Variants in SCLT1 observed in about 807,000 individuals in gnomAD.
The protein encoded by SCLT1 is sodium channel-associated protein 1.
A neutral mutation model predicts 112.8 loss-of-function variants in SCLT1; 78 were observed. The observed-to-expected ratio is 0.69, with a 90% confidence interval of 0.58 to 0.83. The LOEUF (loss-of-function observed/expected upper bound fraction) is 0.83. SCLT1 is among the 40% of genes least tolerant of loss of function. The pLI is 0.00. For synonymous variants in SCLT1, 257 were observed against 254.7 expected (o/e 1.01, Z -0.09); for missense variants, 747 against 770.4 (o/e 0.97, Z 0.36).
chr4:128,896,689 G>A (rs937795275), intron 18 of SCLT1, among the ~76,000 whole-genome samples: 2 of 152,316 alleles, frequency 1.3e-5, no homozygotes, highest in Non-Finnish European at 2.9e-5. Context: ...ACTTTGACGA[G>A]TTGAGAGAAG....
chr4:128,983,224 A>G (rs1000982706), intron 9 of SCLT1, among the ~76,000 whole-genome samples: 11 of 152,194 alleles, frequency 7.2e-5, no homozygotes, highest in Non-Finnish European at 1.5e-4. Flanking sequence ...TTTAAAAGAT[A>G]ACATTGGTTA....
intron 5 of SCLT1, among the ~76,000 whole-genome samples, chr4:129,012,503 G>C (rs1449969548): frequency 6.6e-6 from 1 of 152,162 alleles, no homozygotes; most frequent in African/African-American, 2.4e-5. Context: ...TGTTGTTTTT[G>C]GATGGAGAGT....
chr4:129,093,257 AG>A lies in SCLT1; in HGVS notation c.-155del. On this transcript the variant is annotated 5_prime_UTR_variant, in exon 1 of 21. Transcript: ENST00000281142. ...TGCATCCTACTCACGCGGCATCTAC[AG>A]CCCCGCCACGCTTCTTTCCCCCGCG... 1.5e-6 allele frequency: 1 copy of A among 661,256 alleles called. No individual in the cohort carries two copies. The highest frequency in any genetic ancestry group is 2.7e-5 in the East Asian group (1 of 37,094). 41.0% of individuals were successfully genotyped at this position (661,256 alleles called of 1,614,324 possible). A position where few individuals can be genotyped will look rare whatever the true frequency, so the allele number is the denominator to read the frequency against.
intron 18 of SCLT1, among the ~76,000 whole-genome samples, chr4:128,902,295 T>C (rs867124018): frequency 6.6e-6 from 1 of 152,300 alleles, no homozygotes; most frequent in Non-Finnish European, 1.5e-5. Context: ...CAGTTAATAA[T>C]AGGAATACAT....
At chr4:129,023,936 C>T (rs547899068) in intron 5 of SCLT1, among the ~76,000 whole-genome samples, 1 of 152,344 alleles carries the variant, frequency 6.6e-6, no homozygotes, top group Admixed American at 6.5e-5. Context: ...TCGCTGATTG[C>T]TAGCACAGCA....
At chr4:128,944,829 G>T (rs1224949578) in intron 16 of SCLT1, 1 of 152,114 alleles carries the variant, frequency 6.6e-6, no homozygotes, top group Non-Finnish European at 1.5e-5. Context: ...GAAGAACTCT[G>T]CTTATAAAAA....
Position 128,926,292 on chromosome 4 carries a change from C to A in SCLT1, c.1829+10363G>T, listed in dbSNP as rs141819170. ...CAATAGGATAAAGTGATCCTGAAAT[C>A]TTTATTGTATACTCTGGGTGTTCAA... On this transcript the variant is annotated intron_variant, in intron 18 of 20. Coordinates refer to ENST00000281142, the MANE Select transcript of SCLT1 (RefSeq NM_144643.4). 5.9e-3 allele frequency among the ~76,000 whole-genome samples: 901 copies of A among 152,122 alleles called. 11 individuals carry two copies. Among genetic ancestry groups the A allele is most frequent in the African/African-American group, 0.019 (782 of 41,466 alleles).
chr4:128,959,900 C>T, intron 11 of SCLT1, 123 bp from the exon 12 acceptor site: 1 of 714,638 alleles, frequency 1.4e-6, no homozygotes, highest in Non-Finnish European at 2.4e-6. Flanking sequence ...AATATTTTCT[C>T]ATTTGATACT....
intron 12 of SCLT1, among the ~76,000 whole-genome samples, chr4:128,958,937 C>T (rs1392861562): frequency 1.3e-5 from 2 of 152,118 alleles, no homozygotes; most frequent in Non-Finnish European, 2.9e-5. Flanking sequence ...TTCCTTTGTA[C>T]CCGTATTCTG....
At chr4:129,093,047 T>C in intron 1 of SCLT1, 23 bp downstream of exon 1, 2 of 1,559,138 alleles carry the variant, frequency 1.3e-6, no homozygotes, top group Non-Finnish European at 1.8e-6. Context: ...GTATATGAAG[T>C]CTCAAAAAAA....
chr4:128,969,998 A>G (rs1406382746), intron 10 of SCLT1, among the ~76,000 whole-genome samples: 1 of 152,202 alleles, frequency 6.6e-6, no homozygotes, highest in African/African-American at 2.4e-5. Context: ...TCTCTATTAC[A>G]TATTAAAAAG....
chr4:129,083,186 G>GAAAAAAAA (rs10651058), intron 1 of SCLT1, among the ~76,000 whole-genome samples: 30 of 84,214 alleles, frequency 3.6e-4, no homozygotes, highest in South Asian at 4.9e-4. Flanking sequence ...GTGAGACTCT[G>GAAAAAAAA]AAAAAAAAAA....
At chr4:128,899,554 C>T (rs1279883349) in intron 18 of SCLT1, among the ~76,000 whole-genome samples, 1 of 152,032 alleles carries the variant, frequency 6.6e-6, no homozygotes, top group African/African-American at 2.4e-5. Flanking sequence ...TATGACAAAC[C>T]CACAGCCAAT....
At chr4:128,900,353 A>T (rs569006378) in intron 18 of SCLT1, among the ~76,000 whole-genome samples, 1 of 152,334 alleles carries the variant, frequency 6.6e-6, no homozygotes, top group Non-Finnish European at 1.5e-5. Context: ...AACAGAACAC[A>T]GCCCTCAGAA....
intron 5 of SCLT1, among the ~76,000 whole-genome samples, chr4:129,025,655 A>T (rs571839674): frequency 9.9e-5 from 15 of 152,274 alleles, no homozygotes; most frequent in Non-Finnish European, 2.2e-4. Context: ...CGAGCAAAAT[A>T]ACCAGCTAAC....
At chr4:129,045,042 C>A (rs1003472006) in intron 2 of SCLT1, among the ~76,000 whole-genome samples, 1 of 151,884 alleles carries the variant, frequency 6.6e-6, no homozygotes, top group Non-Finnish European at 1.5e-5. Context: ...ATACTGCTAT[C>A]CAACAAATAG....
At chr4:128,972,858 A>C (rs897684070) in intron 9 of SCLT1, among the ~76,000 whole-genome samples, 1 of 152,178 alleles carries the variant, frequency 6.6e-6, no homozygotes, top group Admixed American at 6.5e-5. Flanking sequence ...ACTCCTATTT[A>C]ACAATGATTC....
At chr4:128,949,534 C>G (rs1249255375) in intron 14 of SCLT1, among the ~76,000 whole-genome samples, 2 of 152,054 alleles carry the variant, frequency 1.3e-5, no homozygotes, top group African/African-American at 2.4e-5. Context: ...CCCCTCTCCC[C>G]CTACCCCACA....
At chr4:128,881,714 A>C (rs1468661972), downstream of SCLT1, among the ~76,000 whole-genome samples, 2 of 152,206 alleles carry the variant, frequency 1.3e-5, no homozygotes, top group Non-Finnish European at 1.5e-5. Flanking sequence ...CAGTTCACAG[A>C]ATGATACTAT....
Sources: allele counts gnomAD v4.1 joint callset (sites outside exome capture counted in the v4.1 genomes callset), GRCh38; gene constraint gnomAD v4.1.1; transcripts MANE v1.5; gene names NCBI Gene and HGNC (gene_info 2026-07-23, HGNC 2026-07-21).